TMEM106B: variants seen among roughly 807,000 people sequenced by gnomAD.
TMEM106B encodes the protein transmembrane protein 106B.
Under a neutral mutation model 31.1 loss-of-function variants are expected in TMEM106B, and 15 were observed. That is an observed-to-expected ratio of 0.48 (90% CI 0.32 to 0.74). TMEM106B has a LOEUF of 0.74. Ranked by LOEUF, TMEM106B falls within the 30% of genes least tolerant of loss-of-function variation. The pLI, the probability that TMEM106B is intolerant of heterozygous loss-of-function variation, is 0.03. For synonymous variants in TMEM106B, 126 were observed against 112.5 expected, an observed-to-expected ratio of 1.12 and a Z score of -0.76; for missense variants, 283 against 327.3, an observed-to-expected ratio of 0.86 and a Z score of 1.04.
intron 4 of TMEM106B, among the ~76,000 whole-genome samples, chr7:12,226,883 C>T (rs979855951): frequency 3.3e-5 from 5 of 151,742 alleles, no homozygotes; most frequent in African/African-American, 1.2e-4. Flanking sequence ...TCTCACTTAG[C>T]CCTTTGGAAC....
At chr7:12,230,015 G>A (rs59265139) in intron 5 of TMEM106B, among the ~76,000 whole-genome samples, 196 bp downstream of exon 5, 4,468 of 151,596 alleles carry the variant, frequency 0.029, 163 homozygotes, top group African/African-American at 0.086. Flanking sequence ...CCAGGAATTC[G>A]AGACCAGCCT....
Position 12,233,249 on chromosome 7 carries a change from T to TTG in TMEM106B, c.*1276_*1277dup, listed in dbSNP as rs1465130935. Reference sequence around the variant, plus strand: ...TATCATTTTTCATTTTTTTTTTTTTTTGTCTTTTCACTTACCAAGTTCTAG... The same window carrying TTG: ...TATCATTTTTCATTTTTTTTTTTTTTTGTGTCTTTTCACTTACCAAGTTCTAG... On this transcript the variant is annotated 3_prime_UTR_variant, in exon 8 of 8. Transcript: ENST00000396668. 1 of 151,268 alleles carries TTG rather than the reference T, an allele frequency of 6.6e-6. No individual in the cohort carries two copies. Among genetic ancestry groups the TTG allele is most frequent in the East Asian group, 1.9e-4 (1 of 5,188 alleles). 9.4% of individuals were successfully genotyped at this position (151,268 alleles called of 1,614,324 possible).
chr7:12,234,903 G>C lies in TMEM106B; in HGVS notation c.*2928G>C, dbSNP rs1488450539. ...GAAGAGGAAGGAAAGGCATGAAGAA[G>C]TTGAGGGACTGGCTGAAGATCACGT... On this transcript the variant is annotated 3_prime_UTR_variant, in exon 8 of 8. Coordinates refer to ENST00000396668, the MANE Select transcript of TMEM106B (RefSeq NM_001134232.2). The C allele has an allele frequency of 6.6e-6, 1 of 151,848 alleles. No homozygotes were observed. Among genetic ancestry groups the C allele is most frequent in the Non-Finnish European group, 1.5e-5 (1 of 67,810 alleles). The allele number at this position is 151,848 out of a possible 1,614,324, so 9.4% of individuals were successfully genotyped here. A position where few individuals can be genotyped will look rare whatever the true frequency, so the allele number is the denominator to read the frequency against.
rs546663680 is a variant in TMEM106B, at chr7:12,229,965, C to G, written c.582+146C>G. 7.5e-6 allele frequency: 7 copies of G among 929,010 alleles called. No homozygotes were observed. In the African/African-American group the frequency reaches 1.0e-4, roughly 14 times the overall value. The allele number at this position is 929,010 out of a possible 1,614,324, so 57.5% of individuals were successfully genotyped here. On this transcript the variant is annotated intron_variant, in intron 5 of 7. Coordinates refer to ENST00000396668, the MANE Select transcript of TMEM106B (RefSeq NM_001134232.2). ...GGTACAGTGGCTCATGCCTGTGATC[C>G]CCGCACCTTGGGAGGCTGAGCTCAG... is the stretch of plus-strand genomic sequence containing the variant.
At position 12,241,261 on chromosome 7, in the gene TMEM106B, A is replaced by G. The variant is rs1169922129; in HGVS notation, c.*9286A>G. ...ATTTCAGACACCTAACTTTTTTTTT[A>G]TTTTTTATACTTTAAGTTCTAGGAT... On this transcript the variant is annotated 3_prime_UTR_variant, in exon 8 of 8. Transcript: ENST00000396668. 6.6e-6 allele frequency: 1 copy of G among 151,396 alleles called. No homozygotes were observed. The highest frequency in any genetic ancestry group is 2.4e-5 in the African/African-American group (1 of 41,264). The allele number at this position is 151,396 out of a possible 1,614,324, so 9.4% of individuals were successfully genotyped here.
chr7:12,216,006 GGAA>G (rs1781679617), intron 2 of TMEM106B, among the ~76,000 whole-genome samples: 1 of 152,000 alleles, frequency 6.6e-6, no homozygotes, highest in Non-Finnish European at 1.5e-5. Flanking sequence ...ATACCCAGAG[GGAA>G]GAAGGTCAAA....
At chr7:12,214,021 T>C (rs1174293184) in intron 1 of TMEM106B, among the ~76,000 whole-genome samples, 2 of 152,170 alleles carry the variant, frequency 1.3e-5, no homozygotes, top group Non-Finnish European at 2.9e-5. Flanking sequence ...CAAGAGTCTC[T>C]TTGTAGCAAT....
At chr7:12,215,080 G>A (rs1781660640) in intron 2 of TMEM106B, 53 bp downstream of exon 2, 15 of 1,514,640 alleles carry the variant, frequency 9.9e-6, no homozygotes, top group East Asian at 4.5e-5. Flanking sequence ...ATTTGCTCAA[G>A]TATTATAAAA....
chr7:12,213,286 G>T lies in TMEM106B; in HGVS notation c.-2-1523G>T, dbSNP rs1173780121. Among the ~76,000 whole-genome samples the T allele has an allele frequency of 2.7e-5, 4 of 150,722 alleles. No individual in the cohort carries two copies. The Admixed American group carries it at 2.8e-4, about 10-fold the overall frequency. ...GGCTTCATAATTTTAACTGTCAACT[G>T]TTGAATGAAAAAAAAACTGTGATTT... On this transcript the variant is annotated intron_variant, in intron 1 of 7. Transcript: ENST00000396668.
chr7:12,222,447 T>G (rs528701299), intron 3 of TMEM106B, among the ~76,000 whole-genome samples: 17 of 152,308 alleles, frequency 1.1e-4, no homozygotes, highest in African/African-American at 4.1e-4. Flanking sequence ...CATGATTCAT[T>G]TATTCACAAC....
chr7:12,231,011 A>T, intron 6 of TMEM106B, 51 bp from the exon 7 acceptor site: 3 of 1,308,846 alleles, frequency 2.3e-6, no homozygotes, highest in Non-Finnish European at 3.2e-6. Context: ...GAGAATTTTT[A>T]ATTTATAATG....
chr7:12,216,740 A>G (rs998079479), intron 2 of TMEM106B, among the ~76,000 whole-genome samples: 8 of 152,188 alleles, frequency 5.3e-5, no homozygotes, highest in Non-Finnish European at 1.0e-4. Flanking sequence ...ATCATGGAAG[A>G]TAAGTGAAGA....
intron 2 of TMEM106B, among the ~76,000 whole-genome samples, chr7:12,217,590 G>A (rs559028272): frequency 5.8e-4 from 89 of 152,142 alleles, no homozygotes; most frequent in Non-Finnish European, 1.1e-3. Context: ...AACCAGGGTT[G>A]TAGTTTTAGC....
intron 3 of TMEM106B, among the ~76,000 whole-genome samples, chr7:12,220,649 A>G (rs1781769072): frequency 6.6e-6 from 1 of 152,244 alleles, no homozygotes; most frequent in African/African-American, 2.4e-5. Context: ...ACTGAAAACA[A>G]GTATATTCAT....
At chr7:12,214,086 C>A (rs1409609117) in intron 1 of TMEM106B, 2 of 152,120 alleles carry the variant, frequency 1.3e-5, no homozygotes, top group Admixed American at 1.3e-4. Context: ...AGATAGCAGG[C>A]CCTGAGAGAA....
At chr7:12,230,472 A>AC in intron 6 of TMEM106B, 34 bp downstream of exon 6, 1 of 1,360,250 alleles carries the variant, frequency 7.4e-7, no homozygotes, top group Non-Finnish European at 1.0e-6. Flanking sequence ...TTTTATTGTC[A>AC]AATAATGAAG....
In TMEM106B at chr7:12,234,041, C is replaced by T. The variant is rs1053597021; in HGVS notation, c.*2066C>T. Reference sequence around the variant, plus strand: ...TTATCATATCCTTTCTATTATGTTCCCATCCTGTCCTCATGTCCCATTTAC... The same window carrying T: ...TTATCATATCCTTTCTATTATGTTCTCATCCTGTCCTCATGTCCCATTTAC... On this transcript the variant is annotated 3_prime_UTR_variant, in exon 8 of 8. Transcript: ENST00000396668. The T allele has an allele frequency of 6.6e-6, 1 of 151,622 alleles. No homozygotes were observed. Among genetic ancestry groups the T allele is most frequent in the African/African-American group, 2.4e-5 (1 of 41,358 alleles). 9.4% of individuals were successfully genotyped at this position (151,622 alleles called of 1,614,324 possible). A position where few individuals can be genotyped will look rare whatever the true frequency, so the allele number is the denominator to read the frequency against.
intron 3 of TMEM106B, among the ~76,000 whole-genome samples, chr7:12,220,817 G>A (rs1303368081): frequency 1.3e-5 from 2 of 152,136 alleles, no homozygotes; most frequent in Non-Finnish European, 2.9e-5. Flanking sequence ...AATGTTTGCA[G>A]AAGCAAACAA....
chr7:12,236,221 A>G lies in TMEM106B; in HGVS notation c.*4246A>G, dbSNP rs1782132687. ...GTGTATTTTTGTGCTTAGTCGGAAT[A>G]CAAATTTCACAGTGGATTTTTGAAG... is the stretch of plus-strand genomic sequence containing the variant. On this transcript the variant is annotated 3_prime_UTR_variant, in exon 8 of 8. Coordinates refer to ENST00000396668, the MANE Select transcript of TMEM106B (RefSeq NM_001134232.2). The G allele has an allele frequency of 6.6e-6, 1 of 151,950 alleles. No homozygotes were observed. Among genetic ancestry groups the G allele is most frequent in the South Asian group, 2.1e-4 (1 of 4,836 alleles). 9.4% of individuals were successfully genotyped at this position (151,950 alleles called of 1,614,324 possible).
Sources: allele counts gnomAD v4.1 joint callset (sites outside exome capture counted in the v4.1 genomes callset), GRCh38; gene constraint gnomAD v4.1.1; transcripts MANE v1.5; gene names NCBI Gene and HGNC (gene_info 2026-07-23, HGNC 2026-07-21).